ZNF410: variants seen among roughly 807,000 people sequenced by gnomAD.
ZNF410 encodes another partner for ARF 1.
ZNF410 carries 18 observed loss-of-function variants against 54.8 expected under a neutral mutation model. That is an observed-to-expected ratio of 0.33 (90% CI 0.23 to 0.49). The LOEUF (loss-of-function observed/expected upper bound fraction) is 0.49. Among genes scored for constraint, ZNF410 ranks in the 20% least tolerant of loss-of-function variants. ZNF410 has a pLI of 0.99. For missense variants in ZNF410, 405 were observed against 569.6 expected (o/e 0.71, Z 2.94); for synonymous variants, 191 against 207.3 (o/e 0.92, Z 0.68).
chr14:73,904,821 G>A (rs1315675730), intron 6 of ZNF410, 81 bp from the exon 7 acceptor site: 29 of 1,464,238 alleles, frequency 2.0e-5, no homozygotes, highest in Non-Finnish European at 2.4e-5. Context: ...TGTTTGCCTT[G>A]AGAGTCAATA....
chr14:73,906,540 A>C (rs989195934), intron 7 of ZNF410: 1 of 151,852 alleles, frequency 6.6e-6, no homozygotes, highest in African/African-American at 2.4e-5. Flanking sequence ...GAGTGCAGTG[A>C]TGCGATCTCA....
intron 8 of ZNF410, chr14:73,914,954 G>A (rs1294252628): frequency 6.6e-6 from 1 of 151,184 alleles, no homozygotes; most frequent in African/African-American, 2.4e-5. Flanking sequence ...CTAGAACCTT[G>A]AGTACAATGT....
intron 5 of ZNF410, 165 bp downstream of exon 5, chr14:73,898,427 C>T (rs1450086889): frequency 3.6e-6 from 3 of 826,528 alleles, no homozygotes; most frequent in South Asian, 1.9e-5. Flanking sequence ...ATAACTTGGT[C>T]ATGCCAGATT....
chr14:73,889,666 G>C (rs1396799305), intron 1 of ZNF410, among the ~76,000 whole-genome samples: 2 of 152,094 alleles, frequency 1.3e-5, no homozygotes, highest in Non-Finnish European at 2.9e-5. Flanking sequence ...TAGAGGGATG[G>C]ATAAACCATA....
chr14:73,892,514 G>A (rs996483850), intron 2 of ZNF410, among the ~76,000 whole-genome samples: 1 of 151,668 alleles, frequency 6.6e-6, no homozygotes, highest in Non-Finnish European at 1.5e-5. Flanking sequence ...TACATGTGAT[G>A]TATAGGTGTA....
rs925561191 is a variant in ZNF410, at chr14:73,931,583, C to T, written c.*42C>T. The T allele has an allele frequency of 6.3e-7, 1 of 1,591,272 alleles. No homozygotes were observed. Among genetic ancestry groups the T allele is most frequent in the African/African-American group, 1.3e-5 (1 of 74,384 alleles). ...CTGGAAGAGCAACTCTATCTGATCT[C>T]AAAATGCGTATACTGGGAACAGGAT... On this transcript the variant is annotated 3_prime_UTR_variant, in exon 12 of 12. Transcript: ENST00000555044.
rs1347168864 is a variant in ZNF410 at position 73,886,896 on chromosome 14, C to G, written c.-169C>G. ...AATTCGGGACCGACTGACGGCCGGCCGGCTTCCCGGAACTGGAAGGTGAGC... is the reference window on the plus strand; with the variant it reads ...AATTCGGGACCGACTGACGGCCGGCGGGCTTCCCGGAACTGGAAGGTGAGC... On this transcript the variant is annotated 5_prime_UTR_variant, in exon 1 of 12. Transcript: ENST00000555044. 6.5e-6 allele frequency: 1 copy of G among 152,816 alleles called. No individual in the cohort carries two copies. The highest frequency in any genetic ancestry group is 2.4e-5 in the African/African-American group (1 of 41,470). 9.5% of individuals were successfully genotyped at this position (152,816 alleles called of 1,614,324 possible).
At chr14:73,901,990 A>G (rs1242786447) in intron 5 of ZNF410, among the ~76,000 whole-genome samples, 1 of 151,732 alleles carries the variant, frequency 6.6e-6, no homozygotes, top group Non-Finnish European at 1.5e-5. Flanking sequence ...CAGACCTTTC[A>G]TTAGAAATCA....
chr14:73,925,675 G>T (rs548593324), intron 11 of ZNF410, among the ~76,000 whole-genome samples: 40 of 151,922 alleles, frequency 2.6e-4, no homozygotes, highest in Middle Eastern at 3.2e-3. Flanking sequence ...TGATCCACCC[G>T]CCTCAGCCTC....
chr14:73,887,756 A>G (rs1392554593), intron 1 of ZNF410, among the ~76,000 whole-genome samples: 1 of 152,218 alleles, frequency 6.6e-6, no homozygotes, highest in Admixed American at 6.5e-5. Context: ...AGTAAAAGAC[A>G]ACTAAAGTAG....
At chr14:73,897,484 G>A (rs1488607334) in intron 4 of ZNF410, among the ~76,000 whole-genome samples, 2 of 152,040 alleles carry the variant, frequency 1.3e-5, no homozygotes, top group African/African-American at 4.8e-5. Context: ...ATATATGGGG[G>A]GATAATTGAA....
intron 1 of ZNF410, among the ~76,000 whole-genome samples, chr14:73,889,842 G>A (rs1207258031): frequency 2.7e-5 from 4 of 149,328 alleles, no homozygotes; most frequent in Non-Finnish European, 4.4e-5. Context: ...TGTCGCCCGG[G>A]CTGGAGTACA....
intron 1 of ZNF410, among the ~76,000 whole-genome samples, chr14:73,891,212 G>A (rs559876947): frequency 3.4e-4 from 52 of 151,976 alleles, no homozygotes; most frequent in Admixed American, 3.4e-3. Context: ...TATAGCTACG[G>A]TCATAGCTGT....
intron 11 of ZNF410, among the ~76,000 whole-genome samples, chr14:73,929,890 A>C (rs961032739): frequency 6.6e-6 from 1 of 152,126 alleles, no homozygotes; most frequent in Non-Finnish European, 1.5e-5. Context: ...CAGGTGGACA[A>C]TCTCTATTTT....
chr14:73,898,365 G>C (rs1252984424), intron 5 of ZNF410, 103 bp downstream of exon 5: 8 of 1,157,302 alleles, frequency 6.9e-6, no homozygotes, highest in Non-Finnish European at 9.9e-6. Context: ...TTCTATTGAT[G>C]AGAGCAGAAG....
At chr14:73,925,822 A>G (rs1040963540) in intron 11 of ZNF410, among the ~76,000 whole-genome samples, 1 of 152,162 alleles carries the variant, frequency 6.6e-6, no homozygotes, top group Admixed American at 6.5e-5. Flanking sequence ...GCTTGAATCC[A>G]GGAGTTCAAG....
chr14:73,901,996 A>C (rs1285711640), intron 5 of ZNF410, among the ~76,000 whole-genome samples: 2 of 151,904 alleles, frequency 1.3e-5, no homozygotes, highest in Non-Finnish European at 2.9e-5. Flanking sequence ...TTTCATTAGA[A>C]ATCAATTAGC....
chr14:73,910,882 G>T (rs905309539), intron 8 of ZNF410, among the ~76,000 whole-genome samples: 3 of 144,726 alleles, frequency 2.1e-5, no homozygotes, highest in Non-Finnish European at 4.4e-5. Context: ...AAAAAAAAGT[G>T]GTAGTGAAGA....
rs1329982009 is a variant in ZNF410, at chr14:73,896,411, A to G, written c.265A>G (p.Thr89Ala). 1.2e-6 allele frequency: 2 copies of G among 1,614,058 alleles called. No individual in the cohort carries two copies. The highest frequency in any genetic ancestry group is 1.7e-6 in the Non-Finnish European group (2 of 1,180,054). ...RVNVGPDGEETRAQTVQKSPE... is the reference protein window; with the variant it reads ...RVNVGPDGEEARAQTVQKSPE... ...GAATGTGGGTCCAGACGGAGAGGAG[A>G]CGAGAGCTCAGACTGTACAGAAATC... The change falls in exon 4 of 12, where the codon ACG becomes GCG. Residue 89 changes from threonine to alanine, a missense_variant. Physicochemically the swap from Thr to Ala is moderately conservative, Grantham distance 58 (BLOSUM62 0). Coordinates refer to ENST00000555044, the MANE Select transcript of ZNF410 (RefSeq NM_021188.3).
Sources: gnomAD v4.1 joint callset for allele counts (sites outside exome capture counted in the v4.1 genomes callset) on GRCh38, gnomAD v4.1.1 for gene constraint, MANE v1.5 for transcripts, NCBI Gene and HGNC (gene_info 2026-07-23, HGNC 2026-07-21) for gene names.